C9: variants seen among roughly 807,000 people sequenced by gnomAD.
The protein encoded by C9 is complement component C9.
Under a neutral mutation model 65.4 loss-of-function variants are expected in C9, and 63 were observed. That is an observed-to-expected ratio of 0.96 (90% confidence interval 0.79 to 1.19). The LOEUF (loss-of-function observed/expected upper bound fraction) is 1.19. Among genes scored for constraint, C9 ranks in the 50% most tolerant of loss-of-function variants. C9 has a pLI of 0.00. For synonymous variants in C9, 229 were observed against 227.9 expected (o/e 1.00, Z -0.04); for missense variants, 744 against 670.1 (o/e 1.11, Z -1.22).
At chr5:39,320,339 C>G (rs28877878) in intron 5 of C9, among the ~76,000 whole-genome samples, 1 of 151,834 alleles carries the variant, frequency 6.6e-6, no homozygotes, top group Non-Finnish European at 1.5e-5. Context: ...ACACAAACAA[C>G]CAAATTTAGG....
At position 39,311,313 on chromosome 5, in the gene C9, T is replaced by C; in HGVS notation, c.935A>G (p.Asp312Gly). 1 of 1,612,410 alleles carries C rather than the reference T, an allele frequency of 6.2e-7. No individual in the cohort carries two copies. Among genetic ancestry groups the C allele is most frequent in the Non-Finnish European group, 8.5e-7 (1 of 1,178,510 alleles). The change falls in exon 7 of 11, where the codon GAT becomes GGT. Residue 312 changes from aspartate (D) to glycine (G), a missense_variant. Coordinates refer to ENST00000263408, the MANE Select transcript of C9 (RefSeq NM_001737.5). ...CACAAAAGTTGTTGTGAGCACAACA[T>C]CGCGATTTCTCATTACAAATCTTCC... ...HLGRFVMRNR[D>G]VVLTTTFVDD...
intron 5 of C9, among the ~76,000 whole-genome samples, chr5:39,325,910 T>G (rs1707968799): frequency 1.3e-5 from 2 of 152,200 alleles, no homozygotes; most frequent in African/African-American, 4.8e-5. Context: ...TAATTTCATA[T>G]AGACCCTCAA....
At chr5:39,362,629 G>C (rs1754541511) in intron 1 of C9, among the ~76,000 whole-genome samples, 1 of 152,280 alleles carries the variant, frequency 6.6e-6, no homozygotes, top group Admixed American at 6.5e-5. Context: ...GGGAAGCGAG[G>C]TACAGAGAGG....
Position 39,364,384 on chromosome 5 carries a change from T to C in C9, c.77+4A>G, listed in dbSNP as rs747599959. 4.5e-6 allele frequency: 7 copies of C among 1,555,064 alleles called. No individual in the cohort carries two copies. Among genetic ancestry groups the C allele is most frequent in the Non-Finnish European group, 6.2e-6 (7 of 1,126,054 alleles). ...AGAGACAAGCAGAAAAGTAACTGAC[T>C]CACCTGGTCGTGTACTGTGCTGTGA... On this transcript the variant is annotated splice_donor_region_variant and intron_variant, in intron 1 of 10. Coordinates refer to ENST00000263408, the MANE Select transcript of C9 (RefSeq NM_001737.5).
intron 5 of C9, among the ~76,000 whole-genome samples, chr5:39,327,855 G>A (rs905358499): frequency 6.6e-6 from 1 of 152,102 alleles, no homozygotes; most frequent in African/African-American, 2.4e-5. Context: ...TCTCCAAAAG[G>A]GAGCTCAAAA....
At chr5:39,320,605 A>C (rs28847315) in intron 5 of C9, among the ~76,000 whole-genome samples, 1 of 152,144 alleles carries the variant, frequency 6.6e-6, no homozygotes, top group Non-Finnish European at 1.5e-5. Flanking sequence ...AGTGTAGAAA[A>C]CTTATTTAAA....
At chr5:39,340,635 T>G (rs1754059394) in intron 4 of C9, among the ~76,000 whole-genome samples, 1 of 152,138 alleles carries the variant, frequency 6.6e-6, no homozygotes, top group Non-Finnish European at 1.5e-5. Context: ...AACCAGAACC[T>G]CAACATAATC....
chr5:39,346,282 A>G (rs1462688957), intron 1 of C9, among the ~76,000 whole-genome samples: 6 of 152,228 alleles, frequency 3.9e-5, no homozygotes, highest in African/African-American at 1.4e-4. Context: ...AGCAAGACTA[A>G]TAAAGAAGAA....
intron 1 of C9, among the ~76,000 whole-genome samples, chr5:39,362,623 A>G (rs1310851236): frequency 6.6e-6 from 1 of 152,222 alleles, no homozygotes; most frequent in East Asian, 1.9e-4. Flanking sequence ...AGACGAGGGA[A>G]GCGAGGTACA....
At chr5:39,315,635 T>G in intron 6 of C9, 140 bp downstream of exon 6, 2 of 662,498 alleles carry the variant, frequency 3.0e-6, no homozygotes, top group Non-Finnish European at 5.1e-6. Flanking sequence ...GTTAGTATTC[T>G]TTCTGACGTG....
Position 39,324,730 on chromosome 5 carries a change from A to T in C9, c.615+6946T>A, listed in dbSNP as rs78777840. Among the ~76,000 whole-genome samples the T allele has an allele frequency of 1.0e-2, 1,517 of 152,240 alleles. 27 individuals are homozygous for T. Among genetic ancestry groups the T allele is most frequent in the African/African-American group, 0.035 (1,445 of 41,492 alleles). ...CTCAATGTTAAGCATTCAGAAATAG[A>T]CCAATACTTGTAACCATCATAGAGA... On this transcript the variant is annotated intron_variant, in intron 5 of 10. Transcript: ENST00000263408.
chr5:39,291,738 A>C (rs2111842802), intron 9 of C9, among the ~76,000 whole-genome samples: 1 of 152,072 alleles, frequency 6.6e-6, no homozygotes, highest in South Asian at 2.1e-4. Flanking sequence ...ACAATCAATA[A>C]TATTATAAAG....
chr5:39,360,158 T>C (rs1486906000), intron 1 of C9, among the ~76,000 whole-genome samples: 1 of 152,234 alleles, frequency 6.6e-6, no homozygotes, highest in African/African-American at 2.4e-5. Context: ...TAAATAATAG[T>C]TGCTAACATT....
intron 8 of C9, among the ~76,000 whole-genome samples, chr5:39,307,078 C>T (rs937691978): frequency 1.3e-5 from 2 of 152,140 alleles, no homozygotes; most frequent in African/African-American, 4.8e-5. Context: ...CACATACAAA[C>T]ATGTACTCAC....
At chr5:39,348,831 C>T (rs1205441683) in intron 1 of C9, among the ~76,000 whole-genome samples, 3 of 152,114 alleles carry the variant, frequency 2.0e-5, no homozygotes, top group Non-Finnish European at 4.4e-5. Context: ...CCATAGAATA[C>T]TATGCAGCCA....
In C9 at chr5:39,331,830, G is replaced by A. The variant is rs757556109; in HGVS notation, c.477-16C>T. 1 of 1,611,618 alleles carries A rather than the reference G, an allele frequency of 6.2e-7. No homozygotes were observed. The highest frequency in any genetic ancestry group is 8.5e-7 in the Non-Finnish European group (1 of 1,177,752). ...AATGTTGATCCTGAGAATGAACAGA[G>A]TAGTATCAGAAGTGGAAATACCACA... is the stretch of plus-strand genomic sequence containing the variant. On this transcript the variant is annotated splice_polypyrimidine_tract_variant and intron_variant, in intron 4 of 10. Transcript: ENST00000263408.
intron 4 of C9, among the ~76,000 whole-genome samples, chr5:39,337,135 A>G (rs1018600914): frequency 1.3e-5 from 2 of 152,208 alleles, no homozygotes; most frequent in African/African-American, 4.8e-5. Context: ...CATGCTTATT[A>G]ATTTTGTGAA....
intron 1 of C9, among the ~76,000 whole-genome samples, chr5:39,347,284 G>A (rs1230555367): frequency 1.3e-5 from 2 of 152,166 alleles, no homozygotes; most frequent in African/African-American, 4.8e-5. Context: ...CCTTGTCTCA[G>A]CCCCAAATCT....
At chr5:39,321,804 G>C (rs1288744543) in intron 5 of C9, among the ~76,000 whole-genome samples, 1 of 151,990 alleles carries the variant, frequency 6.6e-6, no homozygotes, top group Non-Finnish European at 1.5e-5. Flanking sequence ...TTTTGTCAGA[G>C]GATATTTAAA....
Sources: gnomAD v4.1 joint callset for allele counts (sites outside exome capture counted in the v4.1 genomes callset) on GRCh38, gnomAD v4.1.1 for gene constraint, MANE v1.5 for transcripts, NCBI Gene and HGNC (gene_info 2026-07-23, HGNC 2026-07-21) for gene names.